DPP10: variants seen among roughly 807,000 people sequenced by gnomAD.
DPP10 encodes dipeptidyl peptidase like 10.
In DPP10, 33 loss-of-function variants were observed where a neutral mutation model predicts 120.9. The observed-to-expected ratio is 0.27, with a 90% confidence interval of 0.21 to 0.37. The LOEUF is 0.37. Ranked by LOEUF, DPP10 falls within the 10% of genes least tolerant of loss-of-function variation. The pLI is 1.00. For missense variants in DPP10, 816 were observed against 942.8 expected (o/e 0.87, Z 1.76); for synonymous variants, 337 against 326.1 (o/e 1.03, Z -0.36).
At chr2:115,084,097 G>A (rs17043995) in intron 1 of DPP10, among the ~76,000 whole-genome samples, 2,486 of 152,118 alleles carry the variant, frequency 0.016, 53 homozygotes, top group African/African-American at 0.047. Context: ...ATATGAATAC[G>A]AAACCTATAT....
At chr2:114,841,552 A>G (rs188489518) in intron 1 of DPP10, among the ~76,000 whole-genome samples, 65 of 152,210 alleles carry the variant, frequency 4.3e-4, no homozygotes, top group African/African-American at 1.3e-3. Context: ...GGAGAGATTG[A>G]GTTTATATTT....
At chr2:115,474,765 TCAAG>T (rs1465993146) in intron 3 of DPP10, among the ~76,000 whole-genome samples, 1 of 149,242 alleles carries the variant, frequency 6.7e-6, no homozygotes, top group Non-Finnish European at 1.5e-5. Context: ...AGGGAGGAAT[TCAAG>T]CAGGTGGCAG....
chr2:115,577,875 C>G (rs1474845366), intron 5 of DPP10, among the ~76,000 whole-genome samples: 1 of 152,070 alleles, frequency 6.6e-6, no homozygotes, highest in African/African-American at 2.4e-5. Flanking sequence ...CTTTAAAGAC[C>G]CTGTATCTAA....
At chr2:115,595,603 A>G (rs2082938939) in intron 5 of DPP10, among the ~76,000 whole-genome samples, 1 of 152,086 alleles carries the variant, frequency 6.6e-6, no homozygotes, top group Admixed American at 6.6e-5. Flanking sequence ...TTCCCTTTAA[A>G]TTTTAGCCAA....
intron 1 of DPP10, among the ~76,000 whole-genome samples, chr2:114,797,364 T>C (rs1253917868): frequency 1.3e-5 from 2 of 152,156 alleles, no homozygotes; most frequent in Admixed American, 1.3e-4. Flanking sequence ...GGTTTCTAGG[T>C]CTAAACATGA....
chr2:115,755,424 C>A (rs1358281246), intron 11 of DPP10, among the ~76,000 whole-genome samples: 2 of 151,956 alleles, frequency 1.3e-5, no homozygotes, highest in African/African-American at 4.8e-5. Flanking sequence ...GAAAGGACAG[C>A]CTCTTTAGTA....
chr2:114,825,653 T>C (rs573169217), intron 1 of DPP10, among the ~76,000 whole-genome samples: 1 of 152,354 alleles, frequency 6.6e-6, no homozygotes, highest in South Asian at 2.1e-4. Context: ...ATGAATTTTA[T>C]GTTCCCCCCC....
At chr2:115,091,755 G>A (rs982778182) in intron 1 of DPP10, among the ~76,000 whole-genome samples, 1 of 152,186 alleles carries the variant, frequency 6.6e-6, no homozygotes, top group Non-Finnish European at 1.5e-5. Context: ...GGTGTCCTAT[G>A]ACCTGCAGTT....
In DPP10 at chr2:115,842,491, C is replaced by T. The variant is rs1366294541; in HGVS notation, c.*146C>T. On this transcript the variant is annotated 3_prime_UTR_variant, in exon 26 of 26. Transcript: ENST00000410059. ...AGCACGCTCAGAGACAGTGAACTAG[C>T]ATTTGAATACACAAGTCCAAGTCTA... 2.4e-5 allele frequency: 21 copies of T among 880,620 alleles called. No individual in the cohort carries two copies. The highest frequency in any genetic ancestry group is 7.4e-4 in the Middle Eastern group (2 of 2,688). 54.6% of individuals were successfully genotyped at this position (880,620 alleles called of 1,614,324 possible).
intron 3 of DPP10, chr2:115,468,150 T>C: frequency 2.0e-6 from 1 of 495,108 alleles, no homozygotes; most frequent in South Asian, 1.5e-5. Context: ...AACCTTGACT[T>C]CTAAATGGAT....
chr2:115,551,168 A>G (rs1295089939), intron 5 of DPP10, among the ~76,000 whole-genome samples: 4 of 152,134 alleles, frequency 2.6e-5, no homozygotes, highest in African/African-American at 9.7e-5. Flanking sequence ...TGCAGACTTC[A>G]CTTGCTTGTA....
At chr2:114,808,102 C>A (rs750923704) in intron 1 of DPP10, among the ~76,000 whole-genome samples, 2 of 152,162 alleles carry the variant, frequency 1.3e-5, no homozygotes, top group African/African-American at 4.8e-5. Flanking sequence ...TATGAACACA[C>A]GTCCTTTTAT....
intron 1 of DPP10, among the ~76,000 whole-genome samples, chr2:114,902,576 A>T (rs930244682): frequency 2.6e-5 from 4 of 152,226 alleles, no homozygotes; most frequent in African/African-American, 9.6e-5. Flanking sequence ...TGTGCATTTT[A>T]GAACCAGCTC....
chr2:114,971,754 C>G (rs1699411652), intron 1 of DPP10, among the ~76,000 whole-genome samples: 1 of 152,132 alleles, frequency 6.6e-6, no homozygotes, highest in Non-Finnish European at 1.5e-5. Flanking sequence ...TAAGGCACAA[C>G]TTCAGATGTT....
chr2:115,265,022 T>A (rs942895996), intron 1 of DPP10, among the ~76,000 whole-genome samples: 21 of 152,148 alleles, frequency 1.4e-4, no homozygotes, highest in Non-Finnish European at 2.2e-4. Context: ...GTGGTATGAC[T>A]TGCTGTTATT....
chr2:115,573,538 T>TC (rs1239215661), intron 5 of DPP10, among the ~76,000 whole-genome samples: 2 of 146,118 alleles, frequency 1.4e-5, no homozygotes, highest in African/African-American at 5.0e-5. Flanking sequence ...CACCTCGGCC[T>TC]CCCAAAGTTC....
rs187296231 is a variant in DPP10, at chr2:114,909,735, A to G, written c.61-399504A>G. On this transcript the variant is annotated intron_variant, in intron 1 of 25. Transcript: ENST00000410059. ...ACAACTGAAGTCAATTTCTGTTTAA[A>G]GTTGTTCTGAGTTGGCAGTGTACCC... Among the ~76,000 whole-genome samples the G allele has an allele frequency of 2.6e-5, 4 of 152,186 alleles. No individual in the cohort carries two copies. The East Asian group carries it at 7.7e-4, about 29-fold the overall frequency.
At chr2:115,750,386 C>A (rs1678550310) in intron 10 of DPP10, among the ~76,000 whole-genome samples, 1 of 152,126 alleles carries the variant, frequency 6.6e-6, no homozygotes, top group African/African-American at 2.4e-5. Context: ...CTTGAGCTTC[C>A]ATTTTGGCTA....
chr2:114,520,035 A>G (rs1684925665), intron 1 of DPP10, among the ~76,000 whole-genome samples: 1 of 152,232 alleles, frequency 6.6e-6, no homozygotes, highest in African/African-American at 2.4e-5. Context: ...TACTGAAACA[A>G]CTGACCAATC....
Sources: allele counts gnomAD v4.1 joint callset (sites outside exome capture counted in the v4.1 genomes callset), GRCh38; gene constraint gnomAD v4.1.1; transcripts MANE v1.5; gene names NCBI Gene and HGNC (gene_info 2026-07-23, HGNC 2026-07-21).